The following APBA1 variants were observed in gnomAD, a reference collection of about 807,000 sequenced individuals.
APBA1 encodes amyloid-beta A4 precursor protein-binding family A member 1.
A neutral mutation model predicts 86.6 loss-of-function variants in APBA1; 55 were observed. The observed-to-expected ratio is 0.64, with a 90% CI of 0.51 to 0.80. The LOEUF (loss-of-function observed/expected upper bound fraction) is 0.80. Ranked by LOEUF, APBA1 falls within the 30% of genes least tolerant of loss-of-function variation. The pLI, the probability that APBA1 is intolerant of heterozygous loss-of-function variation, is 0.00. For missense variants in APBA1, 1,090 were observed against 1,183.0 expected, an observed-to-expected ratio of 0.92 and a Z score of 1.15; for synonymous variants, 511 against 493.9, an observed-to-expected ratio of 1.03 and a Z score of -0.46.
chr9:69,601,667 A>G (rs10119965), intron 1 of APBA1, among the ~76,000 whole-genome samples: 294 of 152,366 alleles, frequency 1.9e-3, no homozygotes, highest in African/African-American at 7.0e-3. Flanking sequence ...AGAATGAAAG[A>G]GTTGGAAAGA....
intron 1 of APBA1, among the ~76,000 whole-genome samples, chr9:69,580,802 A>G (rs1821899683): frequency 6.6e-6 from 1 of 152,164 alleles, no homozygotes; most frequent in South Asian, 2.1e-4. Flanking sequence ...TCCCCACTAC[A>G]TAAACTTCGC....
chr9:69,484,102 A>C (rs1206019504), intron 2 of APBA1, among the ~76,000 whole-genome samples: 1 of 152,128 alleles, frequency 6.6e-6, no homozygotes. Context: ...AAACTGGTGC[A>C]GCTGGATTTT....
intron 2 of APBA1, among the ~76,000 whole-genome samples, chr9:69,497,158 T>C (rs1398979706): frequency 1.3e-5 from 2 of 152,020 alleles, no homozygotes; most frequent in African/African-American, 4.8e-5. Flanking sequence ...GAAACCTACT[T>C]AATTATTCAC....
chr9:69,533,942 A>G (rs1018003053), intron 1 of APBA1, among the ~76,000 whole-genome samples: 3 of 152,138 alleles, frequency 2.0e-5, no homozygotes, highest in African/African-American at 4.8e-5. Context: ...ACCTCCTTCC[A>G]CTGTCCCACC....
intron 2 of APBA1, among the ~76,000 whole-genome samples, chr9:69,486,377 AG>A (rs1455133031): frequency 2.6e-5 from 4 of 152,094 alleles, no homozygotes; most frequent in Non-Finnish European, 5.9e-5. Context: ...CACCACCACA[AG>A]TCATTATTAT....
Position 69,486,852 on chromosome 9 carries a change from T to A in APBA1, c.1201-10709A>T, listed in dbSNP as rs1835618153. ...CTACTCTCTGCCCCGGGAGTAGATA[T>A]TTTTTTTTTCTTCTTTTCTTTTTTT... On this transcript the variant is annotated intron_variant, in intron 2 of 12. Coordinates refer to ENST00000265381, the MANE Select transcript of APBA1 (RefSeq NM_001163.4). Among the ~76,000 whole-genome samples the A allele has an allele frequency of 2.9e-5, 3 of 104,214 alleles. No homozygotes were observed. The South Asian group carries it at 9.1e-4, about 32-fold the overall frequency. The allele number at this position is 104,214 out of a possible 152,430, so 68.4% of individuals were successfully genotyped here.
At chr9:69,534,502 C>G (rs1409391181) in intron 1 of APBA1, among the ~76,000 whole-genome samples, 1 of 152,036 alleles carries the variant, frequency 6.6e-6, no homozygotes, top group Admixed American at 6.6e-5. Context: ...TATCCTGGAT[C>G]CCTGAATCAA....
At chr9:69,511,344 A>G (rs972374025) in intron 2 of APBA1, among the ~76,000 whole-genome samples, 1 of 152,260 alleles carries the variant, frequency 6.6e-6, no homozygotes, top group Non-Finnish European at 1.5e-5. Flanking sequence ...ACTGGCCATC[A>G]GAGAAATGCA....
intron 1 of APBA1, among the ~76,000 whole-genome samples, chr9:69,635,917 C>T (rs528165278): frequency 1.3e-5 from 2 of 152,210 alleles, no homozygotes; most frequent in Admixed American, 1.3e-4. Flanking sequence ...AATGTGATCA[C>T]ATCAAGTTAA....
chr9:69,646,510 C>T (rs868247177), intron 1 of APBA1, among the ~76,000 whole-genome samples: 65 of 152,256 alleles, frequency 4.3e-4, no homozygotes, highest in South Asian at 1.7e-3. Flanking sequence ...ACTCCCACCC[C>T]ACTCCCACCC....
intron 1 of APBA1, among the ~76,000 whole-genome samples, chr9:69,633,085 CTTTT>C (rs112455302): frequency 6.9e-6 from 1 of 143,914 alleles, no homozygotes. Flanking sequence ...ATCTTCCCTC[CTTTT>C]TTTTTTTTCC....
intron 1 of APBA1, among the ~76,000 whole-genome samples, chr9:69,571,264 G>C (rs946631702): frequency 6.6e-6 from 1 of 151,968 alleles, no homozygotes; most frequent in Non-Finnish European, 1.5e-5. Context: ...CATAACCTCA[G>C]CATTAGTCAT....
intron 1 of APBA1, among the ~76,000 whole-genome samples, chr9:69,519,064 C>T (rs60590484): frequency 0.014 from 2,096 of 152,322 alleles, 43 homozygotes; most frequent in African/African-American, 0.047. Flanking sequence ...TAGACCCAAC[C>T]TCTTTTGAAA....
chr9:69,467,859 G>A lies in APBA1; in HGVS notation c.1446C>T (p.Arg482=). 1 of 1,614,128 alleles carries A rather than the reference G, an allele frequency of 6.2e-7. No homozygotes were observed. Among genetic ancestry groups the A allele is most frequent in the Non-Finnish European group, 8.5e-7 (1 of 1,180,022 alleles). The change falls in exon 5 of 13, where the codon CGC becomes CGT. Residue 482 remains arginine (R), a synonymous_variant. Coordinates refer to ENST00000265381, the MANE Select transcript of APBA1 (RefSeq NM_001163.4). ...LSDKTPSKNV[R]MMQAQEAVSR... ...TTACGGCTTCCTGGGCCTGCATCAT[G>A]CGCACGTTTTTGGAAGGAGTTTTGT...
intron 1 of APBA1, among the ~76,000 whole-genome samples, chr9:69,640,753 C>T (rs916656282): frequency 6.6e-6 from 1 of 152,098 alleles, no homozygotes; most frequent in African/African-American, 2.4e-5. Flanking sequence ...ATAATAAAAA[C>T]TCTCAACAAA....
Position 69,516,847 on chromosome 9 carries a change from A to G in APBA1, c.364T>C (p.Tyr122His). Residue 122 changes from tyrosine (Y) to histidine (H), a missense_variant, in exon 2 of 13, where the codon TAC (tyrosine) becomes CAC (histidine). Physicochemically the swap from Tyr to His is moderately conservative, Grantham distance 83 (BLOSUM62 2). This residue lies in a region of APBA1 where 678 missense variants were observed against 647.1 expected (regional missense o/e 1.05). Transcript: ENST00000265381. The surrounding 1 kb of genome is among the most constrained non-coding windows in gnomAD (Gnocchi z 7.3). ...PEDESAYAVQYRPEAEEYTEQ... is the reference protein window; with the variant it reads ...PEDESAYAVQHRPEAEEYTEQ... ...GTGTACTCCTCGGCCTCGGGCCGGT[A>G]CTGCACAGCATAGGCGCTCTCGTCC... is the stretch of plus-strand genomic sequence containing the variant. 6.2e-7 allele frequency: 1 copy of G among 1,602,886 alleles called. No homozygotes were observed. Among genetic ancestry groups the G allele is most frequent in the Non-Finnish European group, 8.5e-7 (1 of 1,178,854 alleles).
intron 11 of APBA1, 119 bp downstream of exon 11, chr9:69,440,877 C>A: frequency 7.8e-7 from 1 of 1,279,886 alleles, no homozygotes; most frequent in South Asian, 1.4e-5. Context: ...GCATCACTCA[C>A]GCTGGGAGTT....
chr9:69,653,314 A>G lies in APBA1; in HGVS notation c.-70+18839T>C, dbSNP rs1263648813. Among the ~76,000 whole-genome samples the G allele has an allele frequency of 2.0e-5, 3 of 152,198 alleles. No individual in the cohort carries two copies. In the East Asian group the frequency reaches 5.8e-4, roughly 29 times the overall value. ...CAGGGCACCCAAATATATAAAGCAA[A>G]TATTCATAGACCTAAAGGGAGAGGT... On this transcript the variant is annotated intron_variant, in intron 1 of 12. Transcript: ENST00000265381.
At chr9:69,436,354 A>G (rs1169040237) in intron 11 of APBA1, among the ~76,000 whole-genome samples, 1 of 151,416 alleles carries the variant, frequency 6.6e-6, no homozygotes, top group African/African-American at 2.4e-5. Flanking sequence ...CATTGAATCT[A>G]TAAATTACCT....
Sources: gnomAD v4.1 joint callset for allele counts (sites outside exome capture counted in the v4.1 genomes callset) on GRCh38, gnomAD v4.1.1 for gene constraint, gnomAD v4.1.1 regional missense constraint, Gnocchi (gnomAD v3.1) non-coding constraint, MANE v1.5 for transcripts, NCBI Gene and HGNC (gene_info 2026-07-23, HGNC 2026-07-21) for gene names.